The following FAT4 variants were observed in gnomAD, a reference collection of about 807,000 sequenced individuals.
FAT4 encodes protocadherin Fat 4.
FAT4 carries 84 observed loss-of-function variants against 303.9 expected under a neutral mutation model. That is an observed-to-expected ratio of 0.28 (90% CI 0.23 to 0.33). The LOEUF (loss-of-function observed/expected upper bound fraction) is 0.33. Among genes scored for constraint, FAT4 ranks in the 10% least tolerant of loss-of-function variants. The pLI is 1.00. For synonymous variants in FAT4, 2,307 were observed against 2,298.8 expected, an observed-to-expected ratio of 1.00 and a Z score of -0.10; for missense variants, 6,005 against 6,146.8, an observed-to-expected ratio of 0.98 and a Z score of 0.77.
Position 125,449,008 on chromosome 4 carries a change from T to C in FAT4, c.7998T>C (p.Asp2666=), listed in dbSNP as rs762922147. 4.3e-6 allele frequency: 7 copies of C among 1,613,820 alleles called. No individual in the cohort carries two copies. The East Asian group carries it at 1.6e-4, about 36-fold the overall frequency. Residue 2666 remains aspartate, a synonymous_variant, in exon 10 of 18, where the codon GAT becomes GAC. Coordinates refer to ENST00000394329, the MANE Select transcript of FAT4 (RefSeq NM_001291303.3). ...ATATAACAGTATTAGATGTCAATGA[T>C]AATGCCCCAATTTTTAAGGAAGACC... The part of the protein sequence containing the change: ...KLDITVLDVN[D]NAPIFKEDPF...
intron 2 of FAT4, among the ~76,000 whole-genome samples, chr4:125,337,385 A>G (rs947318389): frequency 6.6e-6 from 1 of 152,080 alleles, no homozygotes. Flanking sequence ...TTATTTTTTA[A>G]GGGTTGAACT....
intron 12 of FAT4, among the ~76,000 whole-genome samples, chr4:125,474,220 A>G (rs1560629885): frequency 6.6e-6 from 1 of 152,036 alleles, no homozygotes; most frequent in East Asian, 1.9e-4. Flanking sequence ...ATGTTATCCA[A>G]GGTTATTTTT....
At chr4:125,330,204 C>T (rs759432874) in intron 2 of FAT4, among the ~76,000 whole-genome samples, 2 of 145,010 alleles carry the variant, frequency 1.4e-5, no homozygotes, top group South Asian at 2.2e-4. Flanking sequence ...GGACAACAAC[C>T]TCCCATACTT....
At position 125,321,130 on chromosome 4, in the gene FAT4, C is replaced by A. The variant is rs201925627; in HGVS notation, c.4719C>A (p.Asp1573Glu). The change falls in exon 2 of 18, where the codon GAC becomes GAA. Residue 1573 changes from aspartate (D) to glutamate (E), a missense_variant. Asp to Glu is a conservative substitution (Grantham distance 45). Coordinates refer to ENST00000394329, the MANE Select transcript of FAT4 (RefSeq NM_001291303.3). The stretch of plus-strand genomic sequence containing the variant: ...ATGAGATCATCAATGGGGACACAGA[C>A]ACCTTCATTGTTGATCGTTATAGTG... The part of the protein sequence containing the change: ...IEYEIINGDT[D>E]TFIVDRYSGD... 70 of 1,614,150 alleles carry A rather than the reference C, an allele frequency of 4.3e-5. No homozygotes were observed. The highest frequency in any genetic ancestry group is 5.9e-5 in the Non-Finnish European group (70 of 1,179,992).
intron 2 of FAT4, among the ~76,000 whole-genome samples, chr4:125,396,952 AT>A (rs1560797474): frequency 3.6e-3 from 412 of 113,316 alleles, no homozygotes; most frequent in African/African-American, 0.01. Flanking sequence ...ATATATATAT[AT>A]ATATATATAT....
At chr4:125,405,353 A>G (rs1449910832) in intron 3 of FAT4, among the ~76,000 whole-genome samples, 1 of 152,010 alleles carries the variant, frequency 6.6e-6, no homozygotes, top group East Asian at 1.9e-4. Context: ...TCCCACCAAC[A>G]GTGTACAAGG....
chr4:125,378,370 G>A (rs1733414401), intron 2 of FAT4, among the ~76,000 whole-genome samples: 1 of 151,900 alleles, frequency 6.6e-6, no homozygotes, highest in South Asian at 2.1e-4. Context: ...AATATTTATT[G>A]GATAAGTTAA....
chr4:125,368,740 T>C (rs75502305), intron 2 of FAT4, among the ~76,000 whole-genome samples: 1 of 150,698 alleles, frequency 6.6e-6, no homozygotes. Flanking sequence ...TTTTTTTTTT[T>C]GAGAGAGAGA....
chr4:125,471,090 C>A (rs969066251), intron 12 of FAT4, among the ~76,000 whole-genome samples: 7 of 152,106 alleles, frequency 4.6e-5, no homozygotes, highest in African/African-American at 1.7e-4. Context: ...GTAGAGAGAC[C>A]AGAGACAGAT....
rs200169032 is a variant in FAT4 at position 125,320,988 on chromosome 4, T to C, written c.4577T>C (p.Val1526Ala). 4 of 1,614,082 alleles carry C rather than the reference T, an allele frequency of 2.5e-6. No homozygotes were observed. Among genetic ancestry groups the C allele is most frequent in the Non-Finnish European group, 3.4e-6 (4 of 1,180,034 alleles). ...TILVTDLNDN[V>A]PMFISQNALA... ...TTGGTTACAGACCTCAATGACAATGTCCCAATGTTTATATCACAAAACGCC... is the reference window on the plus strand; with the variant it reads ...TTGGTTACAGACCTCAATGACAATGCCCCAATGTTTATATCACAAAACGCC... Residue 1526 changes from valine to alanine, a missense_variant, in exon 2 of 18, where the codon GTC (valine) becomes GCC (alanine). Physicochemically the swap from Val to Ala is moderately conservative, Grantham distance 64 (BLOSUM62 0). Coordinates refer to ENST00000394329, the MANE Select transcript of FAT4 (RefSeq NM_001291303.3).
intron 12 of FAT4, among the ~76,000 whole-genome samples, chr4:125,469,258 T>G (rs749944491): frequency 1.3e-5 from 2 of 152,230 alleles, no homozygotes; most frequent in Non-Finnish European, 2.9e-5. Context: ...CTAGTCATAG[T>G]CTTTTTGCTG....
intron 11 of FAT4, among the ~76,000 whole-genome samples, chr4:125,468,183 A>G (rs1356039244): frequency 6.6e-6 from 1 of 152,134 alleles, no homozygotes; most frequent in Non-Finnish European, 1.5e-5. Context: ...AAATCAATGA[A>G]TTTTGAAACG....
At chr4:125,351,996 T>A (rs1398524293) in intron 2 of FAT4, among the ~76,000 whole-genome samples, 1 of 151,828 alleles carries the variant, frequency 6.6e-6, no homozygotes, top group East Asian at 1.9e-4. Flanking sequence ...CATTTTATAG[T>A]GGAATTTCAA....
intron 2 of FAT4, among the ~76,000 whole-genome samples, chr4:125,363,179 T>C (rs755616143): frequency 1.3e-5 from 2 of 152,092 alleles, no homozygotes; most frequent in Non-Finnish European, 2.9e-5. Flanking sequence ...TAGGAATAAA[T>C]GCATAATTTC....
chr4:125,380,760 T>C (rs1364684955), intron 2 of FAT4, among the ~76,000 whole-genome samples: 1 of 152,178 alleles, frequency 6.6e-6, no homozygotes, highest in African/African-American at 2.4e-5. Flanking sequence ...TTTATTAAAT[T>C]TGACAAATTT....
At position 125,316,193 on chromosome 4, in the gene FAT4, G is replaced by T. The variant is rs540452945; in HGVS notation, c.-12-207G>T. 8.5e-5 allele frequency among the ~76,000 whole-genome samples: 13 copies of T among 152,216 alleles called. No homozygotes were observed. In the East Asian group the frequency reaches 2.3e-3, roughly 27 times the overall value. ...CCCGCGGAATGCCCTGCCGCTTTTCGCCACAGCATCTCTCTTGCACTCCGC... is the reference window on the plus strand; with the variant it reads ...CCCGCGGAATGCCCTGCCGCTTTTCTCCACAGCATCTCTCTTGCACTCCGC... On this transcript the variant is annotated intron_variant, in intron 1 of 17. Coordinates refer to ENST00000394329, the MANE Select transcript of FAT4 (RefSeq NM_001291303.3). This position sits in a 1 kb window ranked among gnomAD's most constrained non-coding sequence, Gnocchi z 5.7.
At chr4:125,329,193 A>G (rs545029954) in intron 2 of FAT4, among the ~76,000 whole-genome samples, 12 of 152,102 alleles carry the variant, frequency 7.9e-5, no homozygotes, top group Non-Finnish European at 1.5e-4. Flanking sequence ...AAACTTTTTG[A>G]AAGAGTTGCC....
intron 15 of FAT4, among the ~76,000 whole-genome samples, chr4:125,480,315 T>A (rs937357905): frequency 6.6e-6 from 1 of 152,174 alleles, no homozygotes; most frequent in Non-Finnish European, 1.5e-5. Context: ...TTAAAATTAA[T>A]GTTGATACTT....
chr4:125,331,720 GT>G (rs1578529704), intron 2 of FAT4, among the ~76,000 whole-genome samples: 1 of 152,136 alleles, frequency 6.6e-6, no homozygotes, highest in Non-Finnish European at 1.5e-5. Flanking sequence ...CAGAAAACAG[GT>G]GAATACATAG....
Sources: allele counts gnomAD v4.1 joint callset (sites outside exome capture counted in the v4.1 genomes callset), GRCh38; gene constraint gnomAD v4.1.1; non-coding constraint Gnocchi (gnomAD v3.1); transcripts MANE v1.5; gene names NCBI Gene and HGNC (gene_info 2026-07-23, HGNC 2026-07-21).